The following ARID3B variants were observed in gnomAD, a reference collection of about 807,000 sequenced individuals.
The protein encoded by ARID3B is AT-rich interactive domain-containing protein 3B.
ARID3B carries 10 observed loss-of-function variants against 51.9 expected under a neutral mutation model. The ratio of observed to expected loss-of-function variants is 0.19; its 90% confidence interval spans 0.12 to 0.33. The LOEUF (loss-of-function observed/expected upper bound fraction) is 0.33. ARID3B is among the 10% of genes least tolerant of loss of function. The pLI is 1.00. For missense variants in ARID3B, 483 were observed against 716.3 expected (o/e 0.67, Z 3.72); for synonymous variants, 205 against 279.5 (o/e 0.73, Z 2.66).
At chr15:74,568,187 A>T (rs927533854) in intron 2 of ARID3B, among the ~76,000 whole-genome samples, 120 of 152,320 alleles carry the variant, frequency 7.9e-4, no homozygotes, top group African/African-American at 2.5e-3. Context: ...TCGTTTGGCT[A>T]AAGTGCCCAG....
intron 4 of ARID3B, among the ~76,000 whole-genome samples, chr15:74,576,328 C>G (rs534136888): frequency 5.9e-5 from 9 of 152,218 alleles, no homozygotes; most frequent in African/African-American, 2.2e-4. Context: ...CGTTGAGACC[C>G]TCTGGCATGG....
At chr15:74,547,303 C>T (rs2061619648) in intron 2 of ARID3B, among the ~76,000 whole-genome samples, 1 of 152,172 alleles carries the variant, frequency 6.6e-6, no homozygotes, top group Non-Finnish European at 1.5e-5. Context: ...AGATTACAGG[C>T]ATATGCTACC....
At chr15:74,560,403 C>G (rs559139282) in intron 2 of ARID3B, among the ~76,000 whole-genome samples, 2 of 152,072 alleles carry the variant, frequency 1.3e-5, no homozygotes, top group Non-Finnish European at 2.9e-5. Context: ...ACAGTTTGGT[C>G]TACACCTTCT....
chr15:74,569,478 T>A (rs2061711811), intron 2 of ARID3B, among the ~76,000 whole-genome samples: 1 of 152,122 alleles, frequency 6.6e-6, no homozygotes, highest in Non-Finnish European at 1.5e-5. Flanking sequence ...TCCCAGCTAC[T>A]CAGGAGGCTG....
At position 74,553,517 on chromosome 15, in the gene ARID3B, T is replaced by C. The variant is rs545017225; in HGVS notation, c.552+9029T>C. The stretch of plus-strand genomic sequence containing the variant: ...ATTTTATAATTTCAGTTTTAATTGC[T>C]TCTTCAACTCATGGGTTGTTAAAAG... On this transcript the variant is annotated intron_variant, in intron 2 of 8. Transcript: ENST00000346246. Among the ~76,000 whole-genome samples, 6 of 152,366 alleles carry C rather than the reference T, an allele frequency of 3.9e-5. No homozygotes were observed. The South Asian group carries it at 1.2e-3, about 32-fold the overall frequency.
intron 2 of ARID3B, among the ~76,000 whole-genome samples, chr15:74,556,446 G>T (rs1026569504): frequency 6.6e-6 from 1 of 152,178 alleles, no homozygotes; most frequent in African/African-American, 2.4e-5. Flanking sequence ...ATTTTTTTAA[G>T]TGTGAAATAC....
intron 2 of ARID3B, among the ~76,000 whole-genome samples, chr15:74,550,594 C>A (rs551480265): frequency 6.6e-6 from 1 of 151,830 alleles, no homozygotes; most frequent in Non-Finnish European, 1.5e-5. Context: ...CGGTCCCAAG[C>A]TACTCCGGAG....
chr15:74,547,511 C>T (rs1414776171), intron 2 of ARID3B, among the ~76,000 whole-genome samples: 1 of 152,130 alleles, frequency 6.6e-6, no homozygotes, highest in Non-Finnish European at 1.5e-5. Flanking sequence ...TAATGTGATA[C>T]AGTGTCCATC....
chr15:74,594,364 C>T (rs1200340708), intron 8 of ARID3B, among the ~76,000 whole-genome samples: 10 of 152,092 alleles, frequency 6.6e-5, no homozygotes, highest in Admixed American at 5.9e-4. Flanking sequence ...AGGAGAATGG[C>T]GTGAACCTGG....
chr15:74,573,429 CT>C, intron 4 of ARID3B: 1 of 566,594 alleles, frequency 1.8e-6, no homozygotes, highest in Middle Eastern at 4.6e-4. Context: ...ACTTTTGGCC[CT>C]GCCTGATTTT....
chr15:74,587,630 G>A (rs2061786156), intron 4 of ARID3B, among the ~76,000 whole-genome samples: 1 of 152,154 alleles, frequency 6.6e-6, no homozygotes, highest in African/African-American at 2.4e-5. Flanking sequence ...AGACACTCCA[G>A]GTAATGCCTT....
Position 74,593,162 on chromosome 15 carries a change from C to T in ARID3B, c.1445C>T (p.Ala482Val). The change falls in exon 8 of 9, where the codon GCA becomes GTA. Residue 482 changes from alanine (A) to valine (V), a missense_variant. Around this residue, in one of 3 missense-constraint regions of ARID3B, gnomAD observed 265 missense variants for 354.4 expected, o/e 0.75. Coordinates refer to ENST00000346246, the MANE Select transcript of ARID3B (RefSeq NM_006465.4). ...GAAGACAGAGCAGAGGCCTCGGCTG[C>T]AGCACTGAACCTGACCACGAGTAGC... Reference protein sequence around the residue: ...GREDRAEASAAALNLTTSSIG... With the variant: ...GREDRAEASAVALNLTTSSIG... 2 of 1,613,584 alleles carry T rather than the reference C, an allele frequency of 1.2e-6. No homozygotes were observed. Among genetic ancestry groups the T allele is most frequent in the Non-Finnish European group, 1.7e-6 (2 of 1,179,968 alleles).
At chr15:74,551,469 C>T (rs1305570118) in intron 2 of ARID3B, among the ~76,000 whole-genome samples, 2 of 152,190 alleles carry the variant, frequency 1.3e-5, no homozygotes, top group Non-Finnish European at 2.9e-5. Context: ...GACTTGGGTC[C>T]TTACCCTCTC....
At chr15:74,547,151 T>TC (rs1201289406) in intron 2 of ARID3B, among the ~76,000 whole-genome samples, 127 of 150,268 alleles carry the variant, frequency 8.5e-4, no homozygotes, top group South Asian at 1.3e-3. Context: ...CACAGATCTT[T>TC]CCCCCCCGCC....
intron 4 of ARID3B, among the ~76,000 whole-genome samples, chr15:74,578,005 G>A (rs2141469929): frequency 6.6e-6 from 1 of 152,006 alleles, no homozygotes; most frequent in East Asian, 1.9e-4. Flanking sequence ...TTACAGCCAT[G>A]CACCACCATG....
intron 2 of ARID3B, among the ~76,000 whole-genome samples, chr15:74,557,856 C>T (rs1460160294): frequency 1.6e-5 from 2 of 128,558 alleles, no homozygotes; most frequent in Admixed American, 1.9e-4. Context: ...GAGTCTCACT[C>T]TGTCGCCCAG....
In ARID3B at chr15:74,593,653, CT is replaced by C. The variant is rs1203470063; in HGVS notation, c.1519+421del. Among the ~76,000 whole-genome samples, 3 of 152,216 alleles carry C rather than the reference CT, an allele frequency of 2.0e-5. No individual in the cohort carries two copies. In the East Asian group the frequency reaches 5.8e-4, roughly 29 times the overall value. On this transcript the variant is annotated intron_variant, in intron 8 of 8. Transcript: ENST00000346246. ...ATTGTTAAGCTCCCTGCCCCCCAGT[CT>C]TTTACAGTTATCTTTTCCTAAACCT... is the stretch of plus-strand genomic sequence containing the variant.
intron 2 of ARID3B, among the ~76,000 whole-genome samples, chr15:74,550,872 A>G (rs2061634674): frequency 6.6e-6 from 1 of 152,148 alleles, no homozygotes; most frequent in Admixed American, 6.5e-5. Context: ...GGATATTACA[A>G]AGGTAGAAGA....
At position 74,591,244 on chromosome 15, in the gene ARID3B, G is replaced by A. The variant is rs142326639; in HGVS notation, c.975G>A (p.Glu325=). The change falls in exon 6 of 9, where the codon GAG becomes GAA. Residue 325 remains glutamate (E), a synonymous_variant. Transcript: ENST00000346246. This position sits in a 1 kb window ranked among gnomAD's most constrained non-coding sequence, Gnocchi z 5.8. ...CAGCAATTGATGGCAACCGCAGGGA[G>A]GGCCGGCGGCCCAGCTACAGCTCCT... ...LQAAIDGNRR[E]GRRPSYSSSL... 1 of 1,613,946 alleles carries A rather than the reference G, an allele frequency of 6.2e-7. No individual in the cohort carries two copies. The highest frequency in any genetic ancestry group is 8.5e-7 in the Non-Finnish European group (1 of 1,179,894).
Sources: gnomAD v4.1 joint callset for allele counts (sites outside exome capture counted in the v4.1 genomes callset) on GRCh38, gnomAD v4.1.1 for gene constraint, gnomAD v4.1.1 regional missense constraint, Gnocchi (gnomAD v3.1) non-coding constraint, MANE v1.5 for transcripts, NCBI Gene and HGNC (gene_info 2026-07-23, HGNC 2026-07-21) for gene names.